Variants in SPHKAP observed in about 807,000 individuals in gnomAD.
SPHKAP encodes SPHK1 interactor, AKAP domain containing.
In SPHKAP, 67 loss-of-function variants were observed where a neutral mutation model predicts 137.5. The ratio of observed to expected loss-of-function variants is 0.49; its 90% CI spans 0.40 to 0.60. SPHKAP has a LOEUF of 0.60. Ranked by LOEUF, SPHKAP falls within the 20% of genes least tolerant of loss-of-function variation. The pLI, the probability that SPHKAP is intolerant of heterozygous loss-of-function variation, is 0.00. For synonymous variants in SPHKAP, 813 were observed against 785.3 expected, an observed-to-expected ratio of 1.04 and a Z score of -0.59; for missense variants, 2,097 against 2,069.3, an observed-to-expected ratio of 1.01 and a Z score of -0.26.
chr2:228,128,882 C>A (rs1699159747), intron 2 of SPHKAP, among the ~76,000 whole-genome samples: 1 of 152,104 alleles, frequency 6.6e-6, no homozygotes, highest in Non-Finnish European at 1.5e-5. Context: ...GTAAACCATG[C>A]TGTAAACAGA....
At chr2:228,158,064 G>A (rs1008742319) in intron 1 of SPHKAP, among the ~76,000 whole-genome samples, 9 of 152,156 alleles carry the variant, frequency 5.9e-5, no homozygotes, top group Non-Finnish European at 8.8e-5. Flanking sequence ...CAAGAAGTGT[G>A]CAGCAGAATG....
intron 5 of SPHKAP, among the ~76,000 whole-genome samples, chr2:228,022,504 C>T (rs1000651345): frequency 6.6e-6 from 1 of 152,096 alleles, no homozygotes; most frequent in African/African-American, 2.4e-5. Flanking sequence ...TTCTCATGCT[C>T]CCATAAAGAC....
intron 3 of SPHKAP, among the ~76,000 whole-genome samples, chr2:228,077,355 AC>A (rs1265129586): frequency 2.6e-5 from 4 of 152,168 alleles, no homozygotes; most frequent in Non-Finnish European, 4.4e-5. Flanking sequence ...AAAGCCGCAG[AC>A]ACTCAATGCC....
At chr2:228,150,659 C>T (rs1699902320) in intron 1 of SPHKAP, among the ~76,000 whole-genome samples, 1 of 150,562 alleles carries the variant, frequency 6.6e-6, no homozygotes. Flanking sequence ...TTATGGGCTT[C>T]TACCCCTCTT....
At chr2:228,033,620 T>G (rs1321809961) in intron 3 of SPHKAP, among the ~76,000 whole-genome samples, 2 of 152,154 alleles carry the variant, frequency 1.3e-5, no homozygotes, top group Non-Finnish European at 2.9e-5. Flanking sequence ...ATTGACCATA[T>G]AGTTGGAAGT....
chr2:228,129,176 A>G (rs775519747), intron 2 of SPHKAP, among the ~76,000 whole-genome samples: 4 of 152,196 alleles, frequency 2.6e-5, no homozygotes, highest in Non-Finnish European at 2.9e-5. Context: ...CACAATAGAT[A>G]TAATAATGAA....
Position 228,019,213 on chromosome 2 carries a change from A to AGGTTCCTTGAGTCCTTGG in SPHKAP, c.1623_1640dup (p.Gln542_Pro547dup). 6.2e-7 allele frequency: 1 copy of AGGTTCCTTGAGTCCTTGG among 1,613,860 alleles called. No homozygotes were observed. Among genetic ancestry groups the AGGTTCCTTGAGTCCTTGG allele is most frequent in the Non-Finnish European group, 8.5e-7 (1 of 1,180,036 alleles). On this transcript the variant is annotated inframe_insertion, in exon 7 of 12. Coordinates refer to ENST00000392056, the MANE Select transcript of SPHKAP (RefSeq NM_001142644.2). The stretch of plus-strand genomic sequence containing the variant: ...ATGGAAAGGAGTACTCATTGATGGA[A>AGGTTCCTTGAGTCCTTGG]GGTTCCTTGAGTCCTTGGGGTGCTT...
intron 1 of SPHKAP, among the ~76,000 whole-genome samples, chr2:228,174,476 T>A (rs1216694413): frequency 6.6e-6 from 1 of 152,150 alleles, no homozygotes; most frequent in Non-Finnish European, 1.5e-5. Context: ...GACTTTGAGT[T>A]TGAAATCCTA....
intron 7 of SPHKAP, 121 bp downstream of exon 7, chr2:228,016,285 G>A: frequency 7.1e-7 from 1 of 1,404,840 alleles, no homozygotes; most frequent in African/African-American, 1.5e-5. Context: ...TTTTTTTTTG[G>A]TCTTGAAAAT....
At chr2:228,029,913 G>A (rs565762970) in intron 3 of SPHKAP, among the ~76,000 whole-genome samples, 2 of 152,236 alleles carry the variant, frequency 1.3e-5, no homozygotes, top group South Asian at 4.1e-4. Context: ...CAGTGGCAGA[G>A]GGCAAAGCAG....
chr2:228,024,328 A>G (rs1694948411), intron 5 of SPHKAP, among the ~76,000 whole-genome samples: 2 of 146,764 alleles, frequency 1.4e-5, no homozygotes, highest in Non-Finnish European at 3.0e-5. Context: ...AAAGTGTTCT[A>G]TAATGCAGAG....
chr2:228,061,736 T>TACACACACACACACACAC (rs1553536205), intron 3 of SPHKAP, among the ~76,000 whole-genome samples: 7 of 151,602 alleles, frequency 4.6e-5, no homozygotes, highest in South Asian at 2.1e-4. Context: ...AATATATATA[T>TACACACACACACACACAC]ACACACACAC....
intron 6 of SPHKAP, 120 bp downstream of exon 6, chr2:228,021,591 A>G: frequency 8.4e-7 from 1 of 1,192,222 alleles, no homozygotes. Context: ...CTTAAAATTC[A>G]GCAAGTAAAG....
intron 1 of SPHKAP, among the ~76,000 whole-genome samples, chr2:228,133,698 A>C (rs893250308): frequency 6.6e-5 from 10 of 152,222 alleles, no homozygotes; most frequent in African/African-American, 9.6e-5. Flanking sequence ...TCAGTTAAAT[A>C]AACAATTTAT....
At chr2:228,153,069 A>T (rs1055869223) in intron 1 of SPHKAP, among the ~76,000 whole-genome samples, 1 of 152,052 alleles carries the variant, frequency 6.6e-6, no homozygotes, top group East Asian at 1.9e-4. Context: ...GCCATGTAAG[A>T]TGTGCCTTTC....
chr2:228,069,439 T>A (rs182840311), intron 3 of SPHKAP, among the ~76,000 whole-genome samples: 77 of 96,992 alleles, frequency 7.9e-4, no homozygotes, highest in Admixed American at 1.5e-3. Context: ...TCTTTTTTCT[T>A]TCTTTCTTTC....
intron 1 of SPHKAP, among the ~76,000 whole-genome samples, chr2:228,162,092 T>C (rs900684775): frequency 3.3e-5 from 5 of 152,224 alleles, no homozygotes; most frequent in African/African-American, 1.2e-4. Context: ...TTGATAGATG[T>C]TGGTTGTAAC....
At chr2:228,130,606 TA>T (rs912233686) in intron 2 of SPHKAP, among the ~76,000 whole-genome samples, 16 of 152,288 alleles carry the variant, frequency 1.1e-4, no homozygotes, top group Middle Eastern at 3.4e-3. Context: ...ATATGTATTT[TA>T]AAAAATTAGA....
chr2:227,985,635 C>A (rs1178832406), intron 11 of SPHKAP, among the ~76,000 whole-genome samples: 1 of 152,170 alleles, frequency 6.6e-6, no homozygotes, highest in Admixed American at 6.5e-5. Context: ...ACCCATAGAT[C>A]ATAGTTGGCA....
Sources: gnomAD v4.1 joint callset for allele counts (sites outside exome capture counted in the v4.1 genomes callset) on GRCh38, gnomAD v4.1.1 for gene constraint, MANE v1.5 for transcripts, NCBI Gene and HGNC (gene_info 2026-07-23, HGNC 2026-07-21) for gene names.